The following WTAP variants were observed in gnomAD, a reference collection of about 807,000 sequenced individuals.
The protein encoded by WTAP is WT1 associated protein, also known as pre-mRNA-splicing regulator WTAP.
In WTAP, 8 loss-of-function variants were observed where a neutral mutation model predicts 50.0. The observed-to-expected ratio is 0.16, with a 90% CI of 0.09 to 0.29. The LOEUF is 0.29. Ranked by LOEUF, WTAP falls within the 10% of genes least tolerant of loss-of-function variation. The probability of loss-of-function intolerance (pLI) is 1.00; values close to 1 mark genes in which losing one functional copy is unlikely to be tolerated. For synonymous variants in WTAP, 194 were observed against 169.0 expected, an observed-to-expected ratio of 1.15 and a Z score of -1.15; for missense variants, 295 against 470.7, an observed-to-expected ratio of 0.63 and a Z score of 3.45.
chr6:159,741,739 G>A, intron 3 of WTAP: 1 of 183,242 alleles, frequency 5.5e-6, no homozygotes, highest in Non-Finnish European at 1.1e-5. Flanking sequence ...TGTAATTTCA[G>A]CAGTTTGGGA....
chr6:159,748,965 T>C lies in WTAP; in HGVS notation c.452+596T>C. ...TTTTGCCTTTAAAGGGTTTATTTGC[T>C]GAGAACCAACTTTCAATAGTCATGA... On this transcript the variant is annotated intron_variant, in intron 6 of 7. Transcript: ENST00000621533. This position sits in a 1 kb window ranked among gnomAD's most constrained non-coding sequence, Gnocchi z 5.6. The C allele has an allele frequency of 9.4e-7, 1 of 1,069,376 alleles. No individual in the cohort carries two copies. The highest frequency in any genetic ancestry group is 1.1e-6 in the Non-Finnish European group (1 of 884,884). 66.2% of individuals were successfully genotyped at this position (1,069,376 alleles called of 1,614,324 possible). A position where few individuals can be genotyped will look rare whatever the true frequency, so the allele number is the denominator to read the frequency against.
chr6:159,732,167 G>GA (rs571126927), intron 1 of WTAP, among the ~76,000 whole-genome samples: 2 of 152,080 alleles, frequency 1.3e-5, no homozygotes, highest in East Asian at 3.9e-4. Flanking sequence ...GAGTTTGATT[G>GA]AAAAAAATCC....
At chr6:159,736,907 G>A (rs1277776038) in intron 2 of WTAP, among the ~76,000 whole-genome samples, 1 of 152,176 alleles carries the variant, frequency 6.6e-6, no homozygotes, top group African/African-American at 2.4e-5. Flanking sequence ...AATTGGGAAA[G>A]CTTACTAAAC....
Position 159,753,499 on chromosome 6 carries a change from T to C in WTAP, c.492T>C (p.Leu164=). The change falls in exon 7 of 8, where the codon CTT becomes CTC. Residue 164 remains leucine, a synonymous_variant. Coordinates refer to ENST00000621533, the MANE Select transcript of WTAP (RefSeq NM_001270531.2). ...GKKLMAKCRM[L]IQENQELGRQ... ...AGTTAATGGCGAAGTGTCGAATGCT[T>C]ATCCAGGAGAATCAAGAGCTTGGAA... The C allele has an allele frequency of 6.2e-7, 1 of 1,614,212 alleles. No homozygotes were observed. Among genetic ancestry groups the C allele is most frequent in the Non-Finnish European group, 8.5e-7 (1 of 1,180,034 alleles).
intron 1 of WTAP, among the ~76,000 whole-genome samples, chr6:159,733,028 GTAGT>G (rs1429119714): frequency 6.6e-6 from 1 of 152,028 alleles, no homozygotes; most frequent in Non-Finnish European, 1.5e-5. Flanking sequence ...TAAAATAGAA[GTAGT>G]TAGACATGTG....
At chr6:159,739,238 A>C (rs533034068) in intron 3 of WTAP, among the ~76,000 whole-genome samples, 193 bp downstream of exon 3, 3 of 152,340 alleles carry the variant, frequency 2.0e-5, no homozygotes, top group African/African-American at 7.2e-5. Context: ...TTAAAGAACT[A>C]CTAGGAAGCT....
intron 6 of WTAP, among the ~76,000 whole-genome samples, chr6:159,751,966 G>A (rs1779836167): frequency 6.6e-6 from 1 of 151,794 alleles, no homozygotes; most frequent in African/African-American, 2.4e-5. Context: ...GGAGGCTGAG[G>A]TGGGAGGATC....
chr6:159,737,500 T>G (rs1778993319), intron 2 of WTAP, among the ~76,000 whole-genome samples: 1 of 152,160 alleles, frequency 6.6e-6, no homozygotes, highest in South Asian at 2.1e-4. Context: ...TTATTTTTAT[T>G]TTTTATTTTC....
chr6:159,728,430 C>CG, intron 1 of WTAP, among the ~76,000 whole-genome samples: 1 of 151,840 alleles, frequency 6.6e-6, no homozygotes, highest in East Asian at 1.9e-4. Flanking sequence ...CAAAACAAAA[C>CG]AAAAAAACTA....
chr6:159,755,428 T>A lies in WTAP; in HGVS notation c.1008T>A (p.Tyr336Ter). Residue 336 changes from tyrosine (Y) to a stop codon, truncating the protein, a stop_gained, in exon 8 of 8, where the codon TAT becomes TAA. Coordinates refer to ENST00000621533, the MANE Select transcript of WTAP (RefSeq NM_001270531.2). LOFTEE classifies it high-confidence loss of function. ...ACGTAAATCAACTCAGTGCGGGGTA[T>A]GAAAGTGTAGACTCTCCCACGGGCA... The part of the protein sequence containing the change: ...SGYVNQLSAG[Y>*]ESVDSPTGSE... The A allele has an allele frequency of 6.2e-7, 1 of 1,613,808 alleles. No individual in the cohort carries two copies. Among genetic ancestry groups the A allele is most frequent in the Non-Finnish European group, 8.5e-7 (1 of 1,179,730 alleles).
At chr6:159,738,183 A>G (rs1779035627) in intron 2 of WTAP, among the ~76,000 whole-genome samples, 1 of 152,208 alleles carries the variant, frequency 6.6e-6, no homozygotes, top group South Asian at 2.1e-4. Context: ...CAAGATACAT[A>G]TCTGAACTAT....
intron 1 of WTAP, among the ~76,000 whole-genome samples, chr6:159,732,922 A>C (rs1415899506): frequency 8.6e-6 from 1 of 116,408 alleles, no homozygotes; most frequent in Non-Finnish European, 1.7e-5. Context: ...TGTGTGTAAA[A>C]TTGATATTTA....
chr6:159,742,060 A>G, intron 3 of WTAP, 28 bp from the exon 4 acceptor site: 1 of 1,512,694 alleles, frequency 6.6e-7, no homozygotes, highest in Non-Finnish European at 9.1e-7. Flanking sequence ...TTATCGTAAC[A>G]ACTAATGTAT....
chr6:159,754,345 G>A lies in WTAP; in HGVS notation c.608-683G>A, dbSNP rs531220803. ...TTGAGAACATGGGCCTCTTTGGAGTGTTATAGAGGACCACACTATCCTTAA... is the reference window on the plus strand; with the variant it reads ...TTGAGAACATGGGCCTCTTTGGAGTATTATAGAGGACCACACTATCCTTAA... On this transcript the variant is annotated intron_variant, in intron 7 of 7. Transcript: ENST00000621533. Among the ~76,000 whole-genome samples the A allele has an allele frequency of 2.0e-5, 3 of 152,256 alleles. No individual in the cohort carries two copies. In the South Asian group the frequency reaches 6.2e-4, roughly 32 times the overall value.
At chr6:159,751,031 T>G (rs1562466440) in intron 6 of WTAP, among the ~76,000 whole-genome samples, 1 of 152,268 alleles carries the variant, frequency 6.6e-6, no homozygotes, top group Non-Finnish European at 1.5e-5. Flanking sequence ...TTAGAGTGTT[T>G]AGAGGTATAT....
rs1188571777 is a variant in WTAP, at chr6:159,748,124, G to C, written c.274-67G>C. 2.0e-6 allele frequency: 3 copies of C among 1,535,634 alleles called. No individual in the cohort carries two copies. Among genetic ancestry groups the C allele is most frequent in the Non-Finnish European group, 2.6e-6 (3 of 1,132,928 alleles). On this transcript the variant is annotated intron_variant, in intron 5 of 7. Coordinates refer to ENST00000621533, the MANE Select transcript of WTAP (RefSeq NM_001270531.2). This position sits in a 1 kb window ranked among gnomAD's most constrained non-coding sequence, Gnocchi z 5.6. ...TTGGTAAATCAAGTGAATGGAGGGA[G>C]TTTTCCCCACCTTCTTATGTATGTT... is the stretch of plus-strand genomic sequence containing the variant.
Position 159,755,765 on chromosome 6 carries a change from CTTTT to C in WTAP, c.*176_*179del. 0.015 allele frequency: 2,609 copies of C among 171,712 alleles called. 1 individual carries two copies. The highest frequency in any genetic ancestry group is 0.035 in the African/African-American group (398 of 11,340). 10.6% of individuals were successfully genotyped at this position (171,712 alleles called of 1,614,324 possible). A position where few individuals can be genotyped will look rare whatever the true frequency, so the allele number is the denominator to read the frequency against. ...TTTTTCTTTGTTTTTTTTTTCTTTT[CTTTT>C]TTTTTTTTTTTTTTTTTTTTTGCTT... is the stretch of plus-strand genomic sequence containing the variant. On this transcript the variant is annotated 3_prime_UTR_variant, in exon 8 of 8. Coordinates refer to ENST00000621533, the MANE Select transcript of WTAP (RefSeq NM_001270531.2).
chr6:159,727,300 G>C (rs1198589888), upstream of WTAP: 1 of 1,282,598 alleles, frequency 7.8e-7, no homozygotes, highest in South Asian at 1.2e-5. Flanking sequence ...CGGCGGGCGA[G>C]TGACTGCGGC....
At chr6:159,735,780 C>T (rs1341502468) in intron 1 of WTAP, among the ~76,000 whole-genome samples, 1 of 151,914 alleles carries the variant, frequency 6.6e-6, no homozygotes. Flanking sequence ...TATAATATAT[C>T]TAAAAAACTA....
Sources: gnomAD v4.1 joint callset for allele counts (sites outside exome capture counted in the v4.1 genomes callset) on GRCh38, gnomAD v4.1.1 for gene constraint, Gnocchi (gnomAD v3.1) non-coding constraint, MANE v1.5 for transcripts, NCBI Gene and HGNC (gene_info 2026-07-23, HGNC 2026-07-21) for gene names.